The following HUNK variants were observed in gnomAD, a reference collection of about 807,000 sequenced individuals.
HUNK encodes hormonally up-regulated Neu-associated kinase.
In HUNK, 21 loss-of-function variants were observed where a neutral mutation model predicts 61.0. The observed-to-expected ratio is 0.34, with a 90% CI of 0.24 to 0.50. The LOEUF (loss-of-function observed/expected upper bound fraction) is 0.50, where lower values mean the gene tolerates loss of function less well. Among genes scored for constraint, HUNK ranks in the 20% least tolerant of loss-of-function variants. The pLI, the probability that HUNK is intolerant of heterozygous loss-of-function variation, is 0.98. For synonymous variants in HUNK, 371 were observed against 386.1 expected (o/e 0.96, Z 0.46); for missense variants, 772 against 945.7 (o/e 0.82, Z 2.41).
In HUNK at chr21:31,940,189, A is replaced by C; in HGVS notation, c.579A>C (p.Leu193=). The C allele has an allele frequency of 6.3e-7, 1 of 1,595,138 alleles. No individual in the cohort carries two copies. The part of the protein sequence containing the change: ...VHRDLKIENL[L]LDEDNNIKLI... ...GAGACTTGAAGATAGAGAATTTGCTACTAGATGAAGACAATAATATCAAGC... is the reference window on the plus strand; with the variant it reads ...GAGACTTGAAGATAGAGAATTTGCTCCTAGATGAAGACAATAATATCAAGC... The change falls in exon 3 of 11, where the codon CTA becomes CTC. Residue 193 remains leucine, a synonymous_variant. Coordinates refer to ENST00000270112, the MANE Select transcript of HUNK (RefSeq NM_014586.2).
At chr21:31,887,446 T>C (rs2052354676) in intron 1 of HUNK, among the ~76,000 whole-genome samples, 1 of 152,222 alleles carries the variant, frequency 6.6e-6, no homozygotes, top group Non-Finnish European at 1.5e-5. Flanking sequence ...CATTTTGCAA[T>C]CCTGCTTGCT....
At chr21:31,915,737 A>T (rs557000026) in intron 1 of HUNK, among the ~76,000 whole-genome samples, 1 of 152,212 alleles carries the variant, frequency 6.6e-6, no homozygotes, top group East Asian at 1.9e-4. Context: ...TCCTATGTAG[A>T]CAGTCTCAGC....
At chr21:31,939,306 T>G (rs2052752886) in intron 2 of HUNK, among the ~76,000 whole-genome samples, 1 of 151,760 alleles carries the variant, frequency 6.6e-6, no homozygotes, top group Non-Finnish European at 1.5e-5. Flanking sequence ...GCCTGCTAAA[T>G]AGATTAACTT....
chr21:31,892,162 A>T (rs2013099), intron 1 of HUNK, among the ~76,000 whole-genome samples: 36,449 of 112,894 alleles, frequency 0.32, 5,712 homozygotes, highest in Admixed American at 0.47. Flanking sequence ...AAAAAAAAAA[A>T]ATATATATAT....
intron 4 of HUNK, among the ~76,000 whole-genome samples, chr21:31,950,091 G>T (rs904919281): frequency 6.6e-6 from 1 of 152,174 alleles, no homozygotes; most frequent in Non-Finnish European, 1.5e-5. Flanking sequence ...CTGCATCTGT[G>T]ATGTTGTACT....
At chr21:31,979,512 ATTCT>A (rs2053077345) in intron 7 of HUNK, among the ~76,000 whole-genome samples, 3 of 99,528 alleles carry the variant, frequency 3.0e-5, no homozygotes, top group South Asian at 3.2e-4. Context: ...AGTTGTTTGC[ATTCT>A]TTTTTTTTTT....
chr21:31,879,676 G>C (rs780931414), intron 1 of HUNK, among the ~76,000 whole-genome samples: 4 of 152,180 alleles, frequency 2.6e-5, no homozygotes, highest in Non-Finnish European at 4.4e-5. Flanking sequence ...CCAGCTATTG[G>C]AGGTCAGCGC....
chr21:31,920,386 C>T (rs1278141775), intron 1 of HUNK, among the ~76,000 whole-genome samples: 2 of 152,172 alleles, frequency 1.3e-5, no homozygotes, highest in Admixed American at 6.5e-5. Flanking sequence ...GGTATCTTAA[C>T]TATAATTGTG....
intron 5 of HUNK, among the ~76,000 whole-genome samples, chr21:31,965,794 G>T (rs1029981048): frequency 2.0e-5 from 3 of 151,792 alleles, no homozygotes; most frequent in Non-Finnish European, 4.4e-5. Flanking sequence ...TAGAGACGGG[G>T]TTTCGCCATG....
In HUNK at chr21:31,924,096, G is replaced by T. The variant is rs1480928428; in HGVS notation, c.262-372G>T. ...TGAGTCCTGAGGGGGACTGGGACAA[G>T]CCCTTTGCTGGAAGAGAAATTGTTA... On this transcript the variant is annotated intron_variant, in intron 1 of 10. Transcript: ENST00000270112. The surrounding 1 kb of genome is among the most constrained non-coding windows in gnomAD (Gnocchi z 5.1). Among the ~76,000 whole-genome samples, 2 of 152,294 alleles carry T rather than the reference G, an allele frequency of 1.3e-5. No homozygotes were observed. Among genetic ancestry groups the T allele is most frequent in the East Asian group, 1.9e-4 (1 of 5,182 alleles).
chr21:31,989,211 T>TTCTC (rs2053154593), intron 8 of HUNK, among the ~76,000 whole-genome samples: 1 of 152,130 alleles, frequency 6.6e-6, no homozygotes. Flanking sequence ...TCTGTAAAGA[T>TTCTC]TCTCTCTCCA....
At chr21:31,917,318 G>T (rs374514166) in intron 1 of HUNK, among the ~76,000 whole-genome samples, 1 of 152,024 alleles carries the variant, frequency 6.6e-6, no homozygotes, top group South Asian at 2.1e-4. Flanking sequence ...TCAGCCTCCC[G>T]AGCAGCTGGG....
rs148500816 is a variant in HUNK, at chr21:31,975,829, C to T, written c.1173+1112C>T. Among the ~76,000 whole-genome samples, 642 of 152,236 alleles carry T rather than the reference C, an allele frequency of 4.2e-3. 20 individuals are homozygous for T. The highest frequency in any genetic ancestry group is 0.033 in the Admixed American group (507 of 15,294). On this transcript the variant is annotated intron_variant, in intron 7 of 10. Coordinates refer to ENST00000270112, the MANE Select transcript of HUNK (RefSeq NM_014586.2). Reference sequence around the variant, plus strand: ...TGGTGGAGATGACCAAATTAATACCCGGAGGACAAGGTAGTCAGTGTGTGT... The same window carrying T: ...TGGTGGAGATGACCAAATTAATACCTGGAGGACAAGGTAGTCAGTGTGTGT...
rs145368725 is a variant in HUNK at position 31,877,632 on chromosome 21, C to G, written c.261+3697C>G. Among the ~76,000 whole-genome samples, 30 of 152,274 alleles carry G rather than the reference C, an allele frequency of 2.0e-4. No homozygotes were observed. The East Asian group carries it at 4.6e-3, about 23-fold the overall frequency. ...AACTCTTAATAGGTACCTTCACAGT[C>G]AGGGCTGAGTGTCTTTGACCAAAGT... On this transcript the variant is annotated intron_variant, in intron 1 of 10. Coordinates refer to ENST00000270112, the MANE Select transcript of HUNK (RefSeq NM_014586.2).
chr21:31,907,035 T>C (rs9983077), intron 1 of HUNK, among the ~76,000 whole-genome samples: 124,582 of 151,992 alleles, frequency 0.82, 51,381 homozygotes, highest in African/African-American at 0.91. Flanking sequence ...ATTAGCCTGG[T>C]GTGGTGGCAG....
At chr21:31,921,298 G>C (rs1056401975) in intron 1 of HUNK, among the ~76,000 whole-genome samples, 5 of 151,966 alleles carry the variant, frequency 3.3e-5, no homozygotes, top group Non-Finnish European at 7.4e-5. Context: ...GAAGCGCTGT[G>C]TGTCGTGAAG....
intron 1 of HUNK, among the ~76,000 whole-genome samples, chr21:31,922,549 A>G (rs923333907): frequency 6.7e-6 from 1 of 149,952 alleles, no homozygotes; most frequent in Admixed American, 6.7e-5. Flanking sequence ...CTGGTCTTGA[A>G]CTCCTGACCT....
chr21:31,942,449 T>G (rs1036783505), intron 3 of HUNK, among the ~76,000 whole-genome samples: 1 of 152,182 alleles, frequency 6.6e-6, no homozygotes, highest in Non-Finnish European at 1.5e-5. Flanking sequence ...CTCAGGGGAT[T>G]CTAGGAAAAC....
rs1208878388 is a variant in HUNK, at chr21:31,873,593, G to C, written c.-82G>C. 3.7e-5 allele frequency: 36 copies of C among 969,550 alleles called. No individual in the cohort carries two copies. Among genetic ancestry groups the C allele is most frequent in the Non-Finnish European group, 4.4e-5 (36 of 815,220 alleles). 60.1% of individuals were successfully genotyped at this position (969,550 alleles called of 1,614,324 possible). On this transcript the variant is annotated 5_prime_UTR_variant, in exon 1 of 11. Transcript: ENST00000270112. This position sits in a 1 kb window ranked among gnomAD's most constrained non-coding sequence, Gnocchi z 6.1. ...TGGGCCCAGGGCGGCGGCGGGAGAAGCCGGGGAAGCCGAAGAGCCTGGGGA... is the reference window on the plus strand; with the variant it reads ...TGGGCCCAGGGCGGCGGCGGGAGAACCCGGGGAAGCCGAAGAGCCTGGGGA...
Sources: allele counts gnomAD v4.1 joint callset (sites outside exome capture counted in the v4.1 genomes callset), GRCh38; gene constraint gnomAD v4.1.1; non-coding constraint Gnocchi (gnomAD v3.1); transcripts MANE v1.5; gene names NCBI Gene and HGNC (gene_info 2026-07-23, HGNC 2026-07-21).